Variants in PHC3 observed in about 807,000 individuals in gnomAD.
The protein encoded by PHC3 is polyhomeotic-like protein 3.
In PHC3, 13 loss-of-function variants were observed where a neutral mutation model predicts 107.4. The ratio of observed to expected loss-of-function variants is 0.12; its 90% CI spans 0.08 to 0.19. PHC3 has a LOEUF of 0.19. Among genes scored for constraint, PHC3 ranks in the 10% least tolerant of loss-of-function variants. PHC3 has a pLI of 1.00. For synonymous variants in PHC3, 456 were observed against 427.4 expected, an observed-to-expected ratio of 1.07 and a Z score of -0.83; for missense variants, 992 against 1,210.9, an observed-to-expected ratio of 0.82 and a Z score of 2.68.
chr3:170,159,714 A>G (rs1052022238), intron 4 of PHC3, among the ~76,000 whole-genome samples: 4 of 152,226 alleles, frequency 2.6e-5, no homozygotes, highest in Admixed American at 6.5e-5. Flanking sequence ...ATCTAGACAC[A>G]TTGCCATGAA....
chr3:170,173,803 G>A (rs889993968), intron 2 of PHC3, among the ~76,000 whole-genome samples: 16 of 152,126 alleles, frequency 1.1e-4, no homozygotes, highest in African/African-American at 3.4e-4. Flanking sequence ...CCACTGATGG[G>A]TAGCTAGATT....
intron 7 of PHC3, among the ~76,000 whole-genome samples, chr3:170,132,570 C>A (rs1202799292): frequency 2.0e-5 from 3 of 152,182 alleles, no homozygotes; most frequent in Non-Finnish European, 4.4e-5. Flanking sequence ...AGCTTCTGCT[C>A]CCTCCACCCA....
intron 9 of PHC3, 65 bp from the exon 10 acceptor site, chr3:170,117,541 G>T (rs1190560191): frequency 6.8e-7 from 1 of 1,477,306 alleles, no homozygotes; most frequent in Non-Finnish European, 9.1e-7. Flanking sequence ...AAATGAAAGA[G>T]AATTAAGGAA....
chr3:170,107,267 C>T (rs945784014), intron 11 of PHC3, among the ~76,000 whole-genome samples: 6 of 152,026 alleles, frequency 3.9e-5, no homozygotes, highest in African/African-American at 1.4e-4. Flanking sequence ...AGATGAATAA[C>T]ATAGGCATTA....
In PHC3 at chr3:170,179,372, C is replaced by T. The variant is rs150845229; in HGVS notation, c.15-434G>A. On this transcript the variant is annotated intron_variant, in intron 1 of 14. Transcript: ENST00000495893. ...AGTCATTCTTACCTATACATTAGAA[C>T]AGAATGCCTAGGGACTCATGTTAAC... is the stretch of plus-strand genomic sequence containing the variant. 5.8e-4 allele frequency among the ~76,000 whole-genome samples: 88 copies of T among 152,288 alleles called. 2 individuals carry two copies. The highest frequency in any genetic ancestry group is 4.8e-3 in the Admixed American group (73 of 15,294).
intron 5 of PHC3, among the ~76,000 whole-genome samples, 174 bp from the exon 6 acceptor site, chr3:170,145,695 C>CA (rs974159181): frequency 4.6e-5 from 7 of 151,408 alleles, no homozygotes; most frequent in African/African-American, 1.5e-4. Context: ...ATAGAGAACT[C>CA]AAAAAAAATC....
chr3:170,172,192 T>C (rs1473234224), intron 3 of PHC3, among the ~76,000 whole-genome samples: 1 of 152,114 alleles, frequency 6.6e-6, no homozygotes, highest in African/African-American at 2.4e-5. Context: ...CTTAATATTG[T>C]TTGATTTTTT....
intron 5 of PHC3, among the ~76,000 whole-genome samples, chr3:170,146,102 T>TCACC (rs1297732143): frequency 6.6e-6 from 1 of 152,100 alleles, no homozygotes. Context: ...TGGCCAGGCG[T>TCACC]GGTGGCTCAT....
At chr3:170,158,633 A>G (rs1369907851) in intron 4 of PHC3, among the ~76,000 whole-genome samples, 1 of 151,968 alleles carries the variant, frequency 6.6e-6, no homozygotes, top group Non-Finnish European at 1.5e-5. Context: ...AAAGAAAAAA[A>G]AAAACCTGAT....
intron 10 of PHC3, among the ~76,000 whole-genome samples, chr3:170,114,616 C>A (rs1256084902): frequency 6.6e-6 from 1 of 152,098 alleles, no homozygotes. Context: ...AAATTAACAT[C>A]AAAATATTCA....
At chr3:170,138,689 C>CAAAA (rs11284597) in intron 6 of PHC3, among the ~76,000 whole-genome samples, 5 of 81,304 alleles carry the variant, frequency 6.1e-5, no homozygotes, top group African/African-American at 9.1e-5. Context: ...GACTCTGTCT[C>CAAAA]AAAAAAAAAA....
intron 5 of PHC3, chr3:170,147,744 A>G (rs756240459): frequency 2.0e-5 from 3 of 152,198 alleles, no homozygotes; most frequent in Non-Finnish European, 4.4e-5. Flanking sequence ...GCAACAATCC[A>G]CCACAGACAC....
Position 170,178,786 on chromosome 3 carries a change from C to T in PHC3, c.167G>A (p.Arg56Gln), listed in dbSNP as rs1730923883. 2 of 1,613,974 alleles carry T rather than the reference C, an allele frequency of 1.2e-6. No individual in the cohort carries two copies. Among genetic ancestry groups the T allele is most frequent in the South Asian group, 1.1e-5 (1 of 91,090 alleles). Residue 56 changes from arginine (R) to glutamine (Q), a missense_variant, in exon 2 of 15, where the codon CGA becomes CAA. Arg to Gln is a conservative substitution (Grantham distance 43). Transcript: ENST00000495893. ...CAGCTGAAATACCTGTACAGCATGT[C>T]GGTCTGAACCACTGTAGACAGAGAT... ...PQISVYSGSD[R>Q]HAVQVIQQAL...
At chr3:170,131,395 T>G (rs1373179493) in intron 7 of PHC3, among the ~76,000 whole-genome samples, 1 of 152,186 alleles carries the variant, frequency 6.6e-6, no homozygotes, top group Non-Finnish European at 1.5e-5. Flanking sequence ...GCCTGTGGTA[T>G]AGGTGGGTAT....
chr3:170,118,013 CA>C (rs1273123469), intron 9 of PHC3, among the ~76,000 whole-genome samples: 5 of 149,480 alleles, frequency 3.3e-5, no homozygotes, highest in Non-Finnish European at 6.0e-5. Context: ...AACTCTGTCT[CA>C]AAAAAAAAGC....
intron 2 of PHC3, 123 bp from the exon 3 acceptor site, chr3:170,172,835 C>T (rs1729822147): frequency 2.0e-6 from 2 of 996,584 alleles, no homozygotes; most frequent in East Asian, 5.0e-5. Context: ...TATCATCAAG[C>T]TTATTAACAT....
In PHC3 at chr3:170,095,757, C is replaced by G. The variant is rs1205489096; in HGVS notation, c.*1473G>C. The G allele has an allele frequency of 6.6e-6, 1 of 152,112 alleles. No homozygotes were observed. The highest frequency in any genetic ancestry group is 2.4e-5 in the African/African-American group (1 of 41,430). The allele number at this position is 152,112 out of a possible 1,614,324, so 9.4% of individuals were successfully genotyped here. A position where few individuals can be genotyped will look rare whatever the true frequency, so the allele number is the denominator to read the frequency against. Reference sequence around the variant, plus strand: ...ATTTTTGATGTCCAGGACTATAAAGCTTTCAGGGCTTCCACAAACAATTTT... The same window carrying G: ...ATTTTTGATGTCCAGGACTATAAAGGTTTCAGGGCTTCCACAAACAATTTT... On this transcript the variant is annotated 3_prime_UTR_variant, in exon 15 of 15. Transcript: ENST00000495893.
intron 6 of PHC3, 103 bp from the exon 7 acceptor site, chr3:170,136,768 T>G: frequency 8.2e-7 from 1 of 1,213,250 alleles, no homozygotes; most frequent in Non-Finnish European, 1.1e-6. Flanking sequence ...TATATTATGC[T>G]TTTCATACGT....
In PHC3 at chr3:170,111,263, AAGGAAGGAAGG is replaced by A. The variant is rs1560033047; in HGVS notation, c.2353+2086_2353+2096del. Among the ~76,000 whole-genome samples the A allele has an allele frequency of 1.8e-3, 47 of 25,408 alleles. 3 individuals carry two copies. The East Asian group carries it at 0.021, about 12-fold the overall frequency. 16.7% of individuals were successfully genotyped at this position (25,408 alleles called of 152,430 possible). A position where few individuals can be genotyped will look rare whatever the true frequency, so the allele number is the denominator to read the frequency against. On this transcript the variant is annotated intron_variant, in intron 11 of 14. Coordinates refer to ENST00000495893, the MANE Select transcript of PHC3 (RefSeq NM_024947.4). The stretch of plus-strand genomic sequence containing the variant: ...CTACGATTTTCTTTAAAACAAGAAG[AAGGAAGGAAGG>A]AAGGAAGGAAGGAAGGAAGGAAGGA...
Sources: allele counts gnomAD v4.1 joint callset (sites outside exome capture counted in the v4.1 genomes callset), GRCh38; gene constraint gnomAD v4.1.1; transcripts MANE v1.5; gene names NCBI Gene and HGNC (gene_info 2026-07-23, HGNC 2026-07-21).